Variants in CNBD1 observed in about 807,000 individuals in gnomAD.
CNBD1 encodes the protein cyclic nucleotide-binding domain-containing protein 1.
Under a neutral mutation model 54.4 loss-of-function variants are expected in CNBD1, and 71 were observed. The ratio of observed to expected loss-of-function variants is 1.30; its 90% CI spans 1.08 to 1.59. The LOEUF is 1.59. Among genes scored for constraint, CNBD1 ranks in the 40% most tolerant of loss-of-function variants. CNBD1 has a pLI of 0.00. For missense variants in CNBD1, 659 were observed against 518.0 expected (o/e 1.27, Z -2.64); for synonymous variants, 182 against 170.7 (o/e 1.07, Z -0.51).
intron 10 of CNBD1, among the ~76,000 whole-genome samples, chr8:87,371,966 T>C (rs1158337818): frequency 6.6e-6 from 1 of 151,768 alleles, no homozygotes; most frequent in Non-Finnish European, 1.5e-5. Context: ...CTATTCAACA[T>C]AGTGTTGGAA....
At position 87,401,596 on chromosome 8, in the gene CNBD1, A is replaced by G. The variant is rs1465556258; in HGVS notation, c.214-26950A>G. ...TTGTTGACTTTTTTACCAATGATGC[A>G]TATTTCAGTTAGAGGTTGCTGGGCC... On this transcript the variant is annotated intron_variant, in intron 2 of 7. Coordinates refer to the CNBD1 transcript ENST00000521593. 4.6e-5 allele frequency among the ~76,000 whole-genome samples: 7 copies of G among 152,030 alleles called. No individual in the cohort carries two copies. In the East Asian group the frequency reaches 1.4e-3, roughly 29 times the overall value.
At chr8:87,352,612 A>G (rs1346588235) in intron 9 of CNBD1, among the ~76,000 whole-genome samples, 2 of 152,222 alleles carry the variant, frequency 1.3e-5, no homozygotes, top group African/African-American at 4.8e-5. Context: ...AGCAGTAAAA[A>G]TAATTATGGA....
Position 87,090,115 on chromosome 8 carries a change from G to C in CNBD1, c.432-115878G>C, listed in dbSNP as rs535265510. Reference sequence around the variant, plus strand: ...CACTTAATTGCTGTTTAATTAATATGCAGTTCATAAGTGAGGAGGATAAAT... The same window carrying C: ...CACTTAATTGCTGTTTAATTAATATCCAGTTCATAAGTGAGGAGGATAAAT... On this transcript the variant is annotated intron_variant, in intron 4 of 10. Coordinates refer to ENST00000518476, the MANE Select transcript of CNBD1 (RefSeq NM_173538.3). 5.3e-5 allele frequency among the ~76,000 whole-genome samples: 8 copies of C among 152,208 alleles called. No individual in the cohort carries two copies. In the East Asian group the frequency reaches 1.5e-3, roughly 29 times the overall value.
intron 2 of CNBD1, among the ~76,000 whole-genome samples, chr8:87,406,542 C>T (rs374417030): frequency 2.3e-4 from 35 of 148,970 alleles, no homozygotes; most frequent in East Asian, 5.9e-4. Context: ...TTCAGTGGCA[C>T]GATCTCAGCT....
Position 87,047,655 on chromosome 8 carries a change from C to T in CNBD1, c.431+107901C>T, listed in dbSNP as rs1290088516. On this transcript the variant is annotated intron_variant, in intron 4 of 10. Transcript: ENST00000518476. The stretch of plus-strand genomic sequence containing the variant: ...CTCAGGAGGTGCCACAGGGTGTAAC[C>T]CTACTGCAAAAGCAAAGTAAGCAAA... Among the ~76,000 whole-genome samples, 6 of 152,250 alleles carry T rather than the reference C, an allele frequency of 3.9e-5. 1 individual carries two copies. In the Middle Eastern group the frequency reaches 0.02, roughly 518 times the overall value.
chr8:87,371,174 T>G (rs529448142), intron 10 of CNBD1, among the ~76,000 whole-genome samples: 15 of 151,898 alleles, frequency 9.9e-5, no homozygotes, highest in Non-Finnish European at 1.5e-4. Flanking sequence ...TGCCTCCAGT[T>G]TTGTTCTTTC....
chr8:87,174,038 A>G (rs1813147263), intron 4 of CNBD1, among the ~76,000 whole-genome samples: 1 of 151,972 alleles, frequency 6.6e-6, no homozygotes, highest in Non-Finnish European at 1.5e-5. Context: ...GGCTCACTGC[A>G]ACCTCCACCT....
At chr8:87,327,398 C>A (rs1231985310) in intron 8 of CNBD1, among the ~76,000 whole-genome samples, 1 of 151,874 alleles carries the variant, frequency 6.6e-6, no homozygotes, top group East Asian at 1.9e-4. Context: ...CGCCCCTCCC[C>A]CACCCTCGCT....
chr8:87,119,228 T>G (rs1052488998), intron 4 of CNBD1, among the ~76,000 whole-genome samples: 7 of 152,162 alleles, frequency 4.6e-5, no homozygotes, highest in African/African-American at 1.4e-4. Flanking sequence ...TCGGATGTTT[T>G]TCTGTTTCTT....
At chr8:86,904,444 T>A (rs1369384625) in intron 2 of CNBD1, among the ~76,000 whole-genome samples, 1 of 152,068 alleles carries the variant, frequency 6.6e-6, no homozygotes, top group African/African-American at 2.4e-5. Context: ...ATTGGCATTT[T>A]TGGTATTTGC....
chr8:87,395,056 T>C (rs1349665519), intron 2 of CNBD1, among the ~76,000 whole-genome samples: 1 of 149,084 alleles, frequency 6.7e-6, no homozygotes, highest in South Asian at 2.1e-4. Flanking sequence ...TCGCTTAATG[T>C]TTTTTTTACT....
intron 4 of CNBD1, among the ~76,000 whole-genome samples, chr8:87,122,136 C>A (rs1029428128): frequency 5.3e-5 from 8 of 151,678 alleles, no homozygotes; most frequent in African/African-American, 1.9e-4. Flanking sequence ...TTTTGAGGAA[C>A]CTCCATACCA....
intron 4 of CNBD1, among the ~76,000 whole-genome samples, chr8:86,968,593 G>C (rs56363223): frequency 6.6e-6 from 1 of 152,174 alleles, no homozygotes; most frequent in Admixed American, 6.5e-5. Flanking sequence ...GATTTTGAAG[G>C]CCTCAGTATT....
At chr8:87,137,829 G>C (rs1390861867) in intron 4 of CNBD1, among the ~76,000 whole-genome samples, 1 of 152,114 alleles carries the variant, frequency 6.6e-6, no homozygotes, top group Non-Finnish European at 1.5e-5. Flanking sequence ...CCAGAGAGAA[G>C]CTATGAAATA....
chr8:87,111,227 A>T (rs912282863), intron 4 of CNBD1, among the ~76,000 whole-genome samples: 2 of 152,200 alleles, frequency 1.3e-5, no homozygotes, highest in Admixed American at 6.5e-5. Flanking sequence ...GAGGGTTCTG[A>T]CAGCTGTTAA....
intron 6 of CNBD1, among the ~76,000 whole-genome samples, chr8:87,241,133 C>T (rs566585668): frequency 2.8e-4 from 42 of 152,204 alleles, no homozygotes; most frequent in African/African-American, 9.4e-4. Context: ...CTGCCAACTT[C>T]CTGATCTCAT....
intron 2 of CNBD1, among the ~76,000 whole-genome samples, chr8:87,422,465 G>A (rs1246749003): frequency 6.6e-6 from 1 of 151,298 alleles, no homozygotes; most frequent in South Asian, 2.1e-4. Flanking sequence ...GTGTAAGGAA[G>A]GGATTCAGTT....
intron 3 of CNBD1, among the ~76,000 whole-genome samples, chr8:86,935,527 GCATGAAGTTTT>G (rs1809532734): frequency 6.6e-6 from 1 of 151,984 alleles, no homozygotes; most frequent in African/African-American, 2.4e-5. Context: ...AAATTTATTG[GCATGAAGTTTT>G]CATAATATAA....
chr8:87,100,299 A>G (rs1310975228), intron 4 of CNBD1, among the ~76,000 whole-genome samples: 1 of 152,218 alleles, frequency 6.6e-6, no homozygotes, highest in Non-Finnish European at 1.5e-5. Flanking sequence ...AATATTTTAA[A>G]TATTTTAAAA....
Sources: gnomAD v4.1 joint callset for allele counts (sites outside exome capture counted in the v4.1 genomes callset) on GRCh38, gnomAD v4.1.1 for gene constraint, MANE v1.5 for transcripts, NCBI Gene and HGNC (gene_info 2026-07-23, HGNC 2026-07-21) for gene names.